The following NOTCH2NLA variants were observed in gnomAD, a reference collection of about 807,000 sequenced individuals.
NOTCH2NLA encodes the protein notch homolog 2 N-terminal-like protein A.
At chr1:146,219,795 TAAAAAAA>T (rs782014725) in intron 1 of NOTCH2NLA, among the ~76,000 whole-genome samples, 15 of 78,516 alleles carry the variant, frequency 1.9e-4, no homozygotes, top group Admixed American at 1.2e-3. Context: ...GTTCATAAAC[TAAAAAAA>T]AAAAATATAT....
chr1:146,187,901 A>C (rs1571310320), intron 2 of NOTCH2NLA, among the ~76,000 whole-genome samples: 1 of 136,046 alleles, frequency 7.4e-6, no homozygotes, highest in Admixed American at 7.6e-5. Context: ...GCTACATAAA[A>C]CCTTTATTTC....
At chr1:146,229,010 T>C (rs1664381536) in exon 1 of NOTCH2NLA, 1 of 1,357,950 alleles carries the variant, frequency 7.4e-7, no homozygotes, top group Non-Finnish European at 9.6e-7. Flanking sequence ...TGGCTGAAAC[T>C]TTCTCGGGTG....
At chr1:146,186,942 T>C (rs1662797928) in intron 2 of NOTCH2NLA, among the ~76,000 whole-genome samples, 1 of 134,576 alleles carries the variant, frequency 7.4e-6, no homozygotes, top group Admixed American at 7.8e-5. Context: ...ACATGTGCCA[T>C]GGTGGTTTGC....
At chr1:146,183,466 T>C (rs1482750644) in intron 2 of NOTCH2NLA, among the ~76,000 whole-genome samples, 1 of 119,432 alleles carries the variant, frequency 8.4e-6, no homozygotes, top group Non-Finnish European at 1.8e-5. Context: ...CAGCATTCTT[T>C]GTTTTATGTT....
At chr1:146,187,278 C>A (rs1553810454) in intron 2 of NOTCH2NLA, among the ~76,000 whole-genome samples, 1 of 129,202 alleles carries the variant, frequency 7.7e-6, no homozygotes, top group African/African-American at 2.6e-5. Context: ...CAGTCTATCA[C>A]CGTTGGGCAT....
chr1:146,203,927 T>TA (rs1366895361), intron 1 of NOTCH2NLA, among the ~76,000 whole-genome samples: 1 of 150,998 alleles, frequency 6.6e-6, no homozygotes, highest in East Asian at 1.9e-4. Flanking sequence ...AATGACATAT[T>TA]AAAAAAGATC....
intron 1 of NOTCH2NLA, among the ~76,000 whole-genome samples, chr1:146,228,196 G>A (rs1433775630): frequency 6.8e-6 from 1 of 146,392 alleles, no homozygotes; most frequent in Admixed American, 6.7e-5. Flanking sequence ...CACACACCCG[G>A]CCCATGTGCC....
intron 2 of NOTCH2NLA, among the ~76,000 whole-genome samples, chr1:146,185,072 A>C (rs1553810033): frequency 2.1e-5 from 3 of 141,236 alleles, no homozygotes; most frequent in Non-Finnish European, 4.9e-5. Flanking sequence ...CATGGTCCAA[A>C]GAAGGAGCAG....
rs1207212257 is a variant in NOTCH2NLA, at chr1:146,185,674, CAGAT to C, written c.38+3622_38+3625del. On this transcript the variant is annotated intron_variant, in intron 2 of 4. Transcript: ENST00000362074. ...AATCAGTAGCATTATGCTGTCTAAA[CAGAT>C]AGTCAGATTCCTTCTATTTTAAAAC... Among the ~76,000 whole-genome samples, 35 of 129,804 alleles carry C rather than the reference CAGAT, an allele frequency of 2.7e-4. 7 individuals are homozygous for C. Among genetic ancestry groups the C allele is most frequent in the Non-Finnish European group, 1.1e-4 (6 of 56,016 alleles). The allele number at this position is 129,804 out of a possible 152,430, so 85.2% of individuals were successfully genotyped here.
chr1:146,219,521 C>T (rs1171923317), intron 1 of NOTCH2NLA, among the ~76,000 whole-genome samples: 6 of 100,370 alleles, frequency 6.0e-5, no homozygotes, highest in East Asian at 4.6e-4. Flanking sequence ...AAAAGACTAA[C>T]ACCCTTAATA....
chr1:146,183,504 G>A (rs1328273479), intron 2 of NOTCH2NLA, among the ~76,000 whole-genome samples: 3 of 117,984 alleles, frequency 2.5e-5, no homozygotes, highest in Non-Finnish European at 5.3e-5. Flanking sequence ...ATGGAAAACT[G>A]GCCAAGCTTC....
At chr1:146,219,661 TGA>T (rs71680605) in intron 1 of NOTCH2NLA, among the ~76,000 whole-genome samples, 1 of 100,068 alleles carries the variant, frequency 1.0e-5, no homozygotes, top group African/African-American at 5.3e-5. Context: ...ATCACTGTAA[TGA>T]GAGAGGCATA....
At chr1:146,151,334 AAAAAG>A (rs1402218385), downstream of NOTCH2NLA, among the ~76,000 whole-genome samples, 19 of 53,528 alleles carry the variant, frequency 3.5e-4, no homozygotes, top group African/African-American at 2.9e-3. Context: ...AAAAAAAAAA[AAAAAG>A]AAAAGAAAAG....
exon 5 of NOTCH2NLA, chr1:146,155,523 C>G (rs587757938): frequency 8.8e-6 from 1 of 113,238 alleles, no homozygotes; most frequent in African/African-American, 2.7e-5. Flanking sequence ...TTACTCCCCC[C>G]TACAGTTTTC....
At chr1:146,149,935 T>G (rs1324869963) in intron 4 of NOTCH2NLA, among the ~76,000 whole-genome samples, 1 of 143,786 alleles carries the variant, frequency 7.0e-6, no homozygotes, top group East Asian at 2.0e-4. Context: ...TTGATAATAC[T>G]CAAAAAGTAG....
chr1:146,159,966 CA>C (rs782308523), intron 3 of NOTCH2NLA, among the ~76,000 whole-genome samples: 1,034 of 7,320 alleles, frequency 0.14, 1 homozygote, highest in African/African-American at 0.18. Context: ...TACTCCATCT[CA>C]AAAAAAAAAA....
intron 3 of NOTCH2NLA, among the ~76,000 whole-genome samples, chr1:146,159,446 A>AG (rs1491338284): frequency 1.4e-5 from 2 of 141,940 alleles, no homozygotes; most frequent in Non-Finnish European, 3.2e-5. Context: ...AAAGAAAGAA[A>AG]GAGAAAGAAA....
chr1:146,228,912 A>G (rs1205491528), exon 1 of NOTCH2NLA: 3 of 1,468,682 alleles, frequency 2.0e-6, no homozygotes, highest in African/African-American at 1.5e-5. Context: ...CCCTGGCGCT[A>G]CGCTCCGAAG....
rs1472067280 is a variant in NOTCH2NLA, at chr1:146,187,533, C to T, written c.38+1767G>A. 2.2e-5 allele frequency among the ~76,000 whole-genome samples: 3 copies of T among 135,734 alleles called. 1 individual carries two copies. The highest frequency in any genetic ancestry group is 3.4e-5 in the Non-Finnish European group (2 of 58,696). 89.0% of individuals were successfully genotyped at this position (135,734 alleles called of 152,430 possible). ...AGAAACATGTGCATGACGGTATCTACTTAGCACCTTTTAGTTTAAGAAACA... is the reference window on the plus strand; with the variant it reads ...AGAAACATGTGCATGACGGTATCTATTTAGCACCTTTTAGTTTAAGAAACA... On this transcript the variant is annotated intron_variant, in intron 2 of 4. Coordinates refer to ENST00000362074, the Ensembl canonical transcript of NOTCH2NLA.
Sources: allele counts gnomAD v4.1 joint callset (sites outside exome capture counted in the v4.1 genomes callset), GRCh38; gene constraint gnomAD v4.1.1; transcripts MANE v1.5; gene names NCBI Gene and HGNC (gene_info 2026-07-23, HGNC 2026-07-21).